PBX3: variants seen among roughly 807,000 people sequenced by gnomAD.
The protein encoded by PBX3 is PBX homeobox 3.
PBX3 carries 14 observed loss-of-function variants against 48.5 expected under a neutral mutation model. The observed-to-expected ratio is 0.29, with a 90% CI of 0.19 to 0.45. The LOEUF is 0.45. Ranked by LOEUF, PBX3 falls within the 20% of genes least tolerant of loss-of-function variation. PBX3 has a pLI of 1.00. For synonymous variants in PBX3, 210 were observed against 200.3 expected (o/e 1.05, Z -0.41); for missense variants, 386 against 546.7 (o/e 0.71, Z 2.93).
rs60068482 is a variant in PBX3, at chr9:125,800,750, A to ATTTTTT, written c.274+52142_274+52147dup. Among the ~76,000 whole-genome samples the ATTTTTT allele has an allele frequency of 3.0e-4, 40 of 133,112 alleles. No homozygotes were observed. In the East Asian group the frequency reaches 6.0e-3, roughly 20 times the overall value. 87.3% of individuals were successfully genotyped at this position (133,112 alleles called of 152,430 possible). On this transcript the variant is annotated intron_variant, in intron 2 of 8. Transcript: ENST00000373489. ...ACACTAATCTGAGCGCTTGGAATTA[A>ATTTTTT]TTTTTTTTTTTTTTTTTTTTGAGAC...
intron 8 of PBX3, among the ~76,000 whole-genome samples, chr9:125,965,531 T>C (rs1232973258): frequency 2.6e-5 from 4 of 152,228 alleles, no homozygotes; most frequent in Admixed American, 2.6e-4. Flanking sequence ...AAGAGATTTC[T>C]TTTTGAGTCA....
intron 2 of PBX3, among the ~76,000 whole-genome samples, chr9:125,883,932 G>C (rs1045280437): frequency 6.6e-6 from 1 of 152,200 alleles, no homozygotes; most frequent in Non-Finnish European, 1.5e-5. Flanking sequence ...CTTGAGGGCT[G>C]AGTGATAGAT....
At chr9:125,858,044 G>A (rs890921667) in intron 2 of PBX3, among the ~76,000 whole-genome samples, 2 of 152,236 alleles carry the variant, frequency 1.3e-5, no homozygotes, top group African/African-American at 2.4e-5. Context: ...GAGTCCATAG[G>A]TAGAAAAACA....
intron 2 of PBX3, among the ~76,000 whole-genome samples, chr9:125,897,438 G>T (rs1840801159): frequency 6.6e-6 from 1 of 151,784 alleles, no homozygotes; most frequent in Non-Finnish European, 1.5e-5. Flanking sequence ...ATTGGCAAAT[G>T]ATCTGAGTGT....
chr9:125,922,673 T>C (rs1841481839), intron 3 of PBX3, among the ~76,000 whole-genome samples: 1 of 152,178 alleles, frequency 6.6e-6, no homozygotes, highest in Non-Finnish European at 1.5e-5. Context: ...TGTTAATATG[T>C]GGTTGGGTGG....
chr9:125,816,029 G>A (rs1022818913), intron 2 of PBX3, among the ~76,000 whole-genome samples: 3 of 151,956 alleles, frequency 2.0e-5, no homozygotes, highest in Non-Finnish European at 2.9e-5. Context: ...TTTTGAGACC[G>A]TGTCTTACTA....
chr9:125,781,253 T>C (rs1290100441), intron 2 of PBX3, among the ~76,000 whole-genome samples: 1 of 151,262 alleles, frequency 6.6e-6, no homozygotes, highest in African/African-American at 2.4e-5. Flanking sequence ...TGAACCAGAC[T>C]CCGTCTGTAA....
intron 2 of PBX3, among the ~76,000 whole-genome samples, chr9:125,848,748 A>G (rs1335451048): frequency 6.6e-6 from 1 of 152,028 alleles, no homozygotes; most frequent in African/African-American, 2.4e-5. Flanking sequence ...ACAGTATTGA[A>G]TAAAAGAAAA....
chr9:125,892,897 C>T (rs189273530), intron 2 of PBX3, among the ~76,000 whole-genome samples: 1 of 152,122 alleles, frequency 6.6e-6, no homozygotes, highest in Non-Finnish European at 1.5e-5. Flanking sequence ...TGAAGAAGGG[C>T]TTTGGTTTGG....
chr9:125,865,463 C>T (rs1839956200), intron 2 of PBX3, among the ~76,000 whole-genome samples: 2 of 152,164 alleles, frequency 1.3e-5, no homozygotes, highest in Non-Finnish European at 2.9e-5. Context: ...TGCAGTGCTT[C>T]ATTAGATAGA....
At chr9:125,760,856 T>C (rs1036487539) in intron 2 of PBX3, among the ~76,000 whole-genome samples, 4 of 152,234 alleles carry the variant, frequency 2.6e-5, no homozygotes, top group African/African-American at 9.6e-5. Flanking sequence ...TTGTGTGTAA[T>C]GTTGAAATGT....
intron 8 of PBX3, among the ~76,000 whole-genome samples, chr9:125,964,064 C>T (rs906012478): frequency 2.6e-5 from 4 of 152,128 alleles, no homozygotes; most frequent in Non-Finnish European, 4.4e-5. Context: ...AGAGAATGTG[C>T]GATATCCTTA....
chr9:125,898,885 A>G (rs930805515), intron 2 of PBX3, among the ~76,000 whole-genome samples: 5 of 151,808 alleles, frequency 3.3e-5, no homozygotes, highest in African/African-American at 7.2e-5. Flanking sequence ...GTAGATGGCT[A>G]AATTCATGTA....
chr9:125,953,645 T>A (rs1261429436), intron 5 of PBX3, among the ~76,000 whole-genome samples: 7 of 152,312 alleles, frequency 4.6e-5, no homozygotes, highest in Non-Finnish European at 1.5e-5. Context: ...CTCCCTTAGG[T>A]TTATTTCTTT....
intron 2 of PBX3, among the ~76,000 whole-genome samples, chr9:125,825,214 G>T (rs931701958): frequency 2.8e-4 from 43 of 152,076 alleles, no homozygotes; most frequent in Non-Finnish European, 8.8e-5. Context: ...AACCTGGGAG[G>T]TGGAGGTTGC....
intron 2 of PBX3, among the ~76,000 whole-genome samples, chr9:125,758,445 A>C (rs1350213440): frequency 6.6e-6 from 1 of 152,206 alleles, no homozygotes; most frequent in Non-Finnish European, 1.5e-5. Flanking sequence ...TGAGTGCTTT[A>C]ACTTGAAAAT....
intron 3 of PBX3, among the ~76,000 whole-genome samples, chr9:125,920,896 A>G (rs1328877502): frequency 1.3e-5 from 2 of 152,248 alleles, no homozygotes; most frequent in African/African-American, 4.8e-5. Flanking sequence ...CTACTGTAAA[A>G]GCATATCCTT....
intron 2 of PBX3, among the ~76,000 whole-genome samples, chr9:125,784,727 A>C (rs927500237): frequency 1.3e-5 from 2 of 152,242 alleles, no homozygotes; most frequent in Admixed American, 6.5e-5. Context: ...AAAAGAAGAA[A>C]GGAAAAAAGG....
At chr9:125,920,411 C>T (rs2132482777) in intron 3 of PBX3, among the ~76,000 whole-genome samples, 1 of 152,250 alleles carries the variant, frequency 6.6e-6, no homozygotes. Flanking sequence ...TAAAGGCCTC[C>T]TATTGAGCTG....
Sources: allele counts gnomAD v4.1 joint callset (sites outside exome capture counted in the v4.1 genomes callset), GRCh38; gene constraint gnomAD v4.1.1; transcripts MANE v1.5; gene names NCBI Gene and HGNC (gene_info 2026-07-23, HGNC 2026-07-21).